P3H1: variants seen among roughly 807,000 people sequenced by gnomAD.
P3H1 encodes prolyl 3-hydroxylase 1.
A neutral mutation model predicts 84.0 loss-of-function variants in P3H1; 69 were observed. The ratio of observed to expected loss-of-function variants is 0.82; its 90% CI spans 0.68 to 1.00. The LOEUF (loss-of-function observed/expected upper bound fraction) is 1.00, where lower values mean the gene tolerates loss of function less well. Ranked by LOEUF, P3H1 falls within the 50% of genes least tolerant of loss-of-function variation. P3H1 has a pLI of 0.00. For missense variants in P3H1, 878 were observed against 962.8 expected (o/e 0.91, Z 1.17); for synonymous variants, 366 against 388.8 (o/e 0.94, Z 0.69).
chr1:42,759,387 C>T lies in P3H1; in HGVS notation c.622G>A (p.Glu208Lys). ...TAGAGTCGCACTCCCAGTCGAAATT[C>T]TTGCTACTGGGAAGAAGGAGCACTC... ...KDLETQPHMQ[E>K]FRLGVRLYSE... The change falls in exon 3 of 15, where the codon GAA (glutamate) becomes AAA (lysine). Residue 208 changes from glutamate to lysine, a missense_variant. Physicochemically the swap from Glu to Lys is moderately conservative, Grantham distance 56 (BLOSUM62 1). Transcript: ENST00000296388. The T allele has an allele frequency of 6.2e-7, 1 of 1,614,042 alleles. No homozygotes were observed. Among genetic ancestry groups the T allele is most frequent in the Non-Finnish European group, 8.5e-7 (1 of 1,179,966 alleles).
intron 7 of P3H1, 55 bp from the exon 8 acceptor site, chr1:42,755,045 C>A (rs768967684): frequency 3.1e-6 from 5 of 1,613,912 alleles, no homozygotes; most frequent in Non-Finnish European, 3.4e-6. Context: ...TGGGCTCCAC[C>A]CCGACTTCCC....
At chr1:42,763,437 C>T (rs565184256) in intron 1 of P3H1, among the ~76,000 whole-genome samples, 4 of 150,316 alleles carry the variant, frequency 2.7e-5, no homozygotes, top group African/African-American at 9.8e-5. Flanking sequence ...TTTGGGAGGC[C>T]GAAGGGGGCA....
Position 42,759,242 on chromosome 1 carries a change from T to A in P3H1, c.767A>T (p.Asn256Ile). Residue 256 changes from asparagine (N) to isoleucine (I), a missense_variant, in exon 3 of 15, where the codon AAC becomes ATC. Transcript: ENST00000296388. ...CEGPYDYDGY[N>I]YLEYNADLFQ... ...GAGGTCAGCGTTGTACTCAAGGTAGTTGTAGCCATCGTAGTCATAGGGCCC... is the reference window on the plus strand; with the variant it reads ...GAGGTCAGCGTTGTACTCAAGGTAGATGTAGCCATCGTAGTCATAGGGCCC... 1 of 1,614,154 alleles carries A rather than the reference T, an allele frequency of 6.2e-7. No homozygotes were observed. Among genetic ancestry groups the A allele is most frequent in the Non-Finnish European group, 8.5e-7 (1 of 1,180,026 alleles).
rs191494420 is a variant in P3H1, at chr1:42,764,088, C to T, written c.466-1613G>A. Among the ~76,000 whole-genome samples the T allele has an allele frequency of 5.3e-5, 8 of 151,582 alleles. No individual in the cohort carries two copies. In the East Asian group the frequency reaches 1.4e-3, roughly 26 times the overall value. On this transcript the variant is annotated intron_variant, in intron 1 of 14. Transcript: ENST00000296388. ...GAGGTTGCAGTGAGCCGAGATCGCA[C>T]CATTGCACTCTAGCTTGGGCAACAA...
chr1:42,748,463 G>T, intron 11 of P3H1, 146 bp from the exon 12 acceptor site: 1 of 732,294 alleles, frequency 1.4e-6, no homozygotes, highest in South Asian at 1.4e-5. Flanking sequence ...TAAGCCACAA[G>T]CCTAGGGGTC....
chr1:42,766,534 G>A lies in P3H1; in HGVS notation c.438C>T (p.Tyr146=), dbSNP rs967101692. The change falls in exon 1 of 15, where the codon TAC becomes TAT. Residue 146 remains tyrosine, a synonymous_variant. Coordinates refer to ENST00000296388, the MANE Select transcript of P3H1 (RefSeq NM_022356.4). The part of the protein sequence containing the change: ...MELEFRKRSP[Y]NYLQVAYFKI... ...TGAAGTAGGCGACCTGCAGGTAGTTGTAGGGGCTCCGCTTGCGGAACTCCA... is the reference window on the plus strand; with the variant it reads ...TGAAGTAGGCGACCTGCAGGTAGTTATAGGGGCTCCGCTTGCGGAACTCCA... 1 of 1,611,974 alleles carries A rather than the reference G, an allele frequency of 6.2e-7. No individual in the cohort carries two copies. The highest frequency in any genetic ancestry group is 8.5e-7 in the Non-Finnish European group (1 of 1,179,542).
At chr1:42,763,664 TC>T (rs1652836479) in intron 1 of P3H1, among the ~76,000 whole-genome samples, 1 of 96,454 alleles carries the variant, frequency 1.0e-5, no homozygotes, top group African/African-American at 4.3e-5. Flanking sequence ...AGAGCGAGAC[TC>T]TTGTCTCAAA....
chr1:42,748,419 G>T, intron 11 of P3H1, 102 bp from the exon 12 acceptor site: 1 of 891,494 alleles, frequency 1.1e-6, no homozygotes, highest in Admixed American at 1.7e-5. Flanking sequence ...TTGAGTCTAC[G>T]GAATGCCCAA....
intron 1 of P3H1, among the ~76,000 whole-genome samples, chr1:42,764,805 T>G (rs2124166887): frequency 6.6e-6 from 1 of 152,320 alleles, no homozygotes; most frequent in African/African-American, 2.4e-5. Context: ...TCAGTTTCTT[T>G]AACTGTAAAA....
intron 1 of P3H1, among the ~76,000 whole-genome samples, chr1:42,764,362 G>A (rs570800923): frequency 1.3e-5 from 2 of 148,964 alleles, no homozygotes; most frequent in African/African-American, 5.0e-5. Flanking sequence ...CCAGAAGTCA[G>A]AGGTTGCAGT....
chr1:42,758,857 T>C lies in P3H1; in HGVS notation c.935A>G (p.Tyr312Cys), dbSNP rs374135158. 29 of 1,614,070 alleles carry C rather than the reference T, an allele frequency of 1.8e-5. No individual in the cohort carries two copies. Among genetic ancestry groups the C allele is most frequent in the African/African-American group, 8.0e-5 (6 of 74,948 alleles). The change falls in exon 4 of 15, where the codon TAT becomes TGT. Residue 312 changes from tyrosine to cysteine, a missense_variant. Transcript: ENST00000296388. ...GGAAGGAAAGTAGGCCTTACTGTTATAGTAGGCAAACTGCAGATAATTATA... is the reference window on the plus strand; with the variant it reads ...GGAAGGAAAGTAGGCCTTACTGTTACAGTAGGCAAACTGCAGATAATTATA... The part of the protein sequence containing the change: ...SHYNYLQFAY[Y>C]NIGNYTQAVE...
chr1:42,752,157 T>G, intron 10 of P3H1, 117 bp downstream of exon 10: 1 of 838,186 alleles, frequency 1.2e-6, no homozygotes, highest in East Asian at 2.4e-5. Flanking sequence ...ACAAGAATGT[T>G]GGCAGGTGGA....
chr1:42,755,399 G>C (rs192799847), intron 6 of P3H1, 149 bp downstream of exon 6: 145 of 932,018 alleles, frequency 1.6e-4, no homozygotes, highest in Non-Finnish European at 2.2e-4. Context: ...CCTTTCATCT[G>C]TCTCTCATCC....
chr1:42,762,121 TA>T, intron 2 of P3H1: 20 of 543,118 alleles, frequency 3.7e-5, no homozygotes, highest in Non-Finnish European at 4.9e-5. Context: ...TAATGTCATT[TA>T]AAAAAAAACA....
chr1:42,750,153 GGGGGC>G, intron 11 of P3H1, 28 bp downstream of exon 11: 2 of 1,605,706 alleles, frequency 1.2e-6, no homozygotes, highest in Non-Finnish European at 1.7e-6. Flanking sequence ...TACAGCATGC[GGGGGC>G]GGGTGCTGCA....
At position 42,755,583 on chromosome 1, in the gene P3H1, C is replaced by G. The variant is rs762013462; in HGVS notation, c.1135G>C (p.Ala379Pro). The G allele has an allele frequency of 6.2e-7, 1 of 1,613,972 alleles. No individual in the cohort carries two copies. Among genetic ancestry groups the G allele is most frequent in the Non-Finnish European group, 8.5e-7 (1 of 1,180,012 alleles). ...AAGGGAATTCCAAAAACATCATAAGCGAAGAAAAGCAGTTCTTTTTCCAGT... is the reference window on the plus strand; with the variant it reads ...AAGGGAATTCCAAAAACATCATAAGGGAAGAAAAGCAGTTCTTTTTCCAGT... ...SLLEKELLFF[A>P]YDVFGIPFVD... Residue 379 changes from alanine (A) to proline (P), a missense_variant, in exon 6 of 15, where the codon GCT becomes CCT. By Grantham distance (27) the Ala-to-Pro change is conservative (BLOSUM62 -1). Coordinates refer to ENST00000296388, the MANE Select transcript of P3H1 (RefSeq NM_022356.4).
rs1232032343 is a variant in P3H1, at chr1:42,755,746, C to T, written c.1081-109G>A. The T allele has an allele frequency of 3.9e-6, 3 of 775,774 alleles. No homozygotes were observed. The Admixed American group carries it at 5.9e-5, about 15-fold the overall frequency. 48.1% of individuals were successfully genotyped at this position (775,774 alleles called of 1,614,324 possible). On this transcript the variant is annotated intron_variant, in intron 5 of 14. Transcript: ENST00000296388. Reference sequence around the variant, plus strand: ...CTGATGCTCCCATGTGACCTGAGGCCTCCTCTCCCTACCAATGCTCTCTGT... The same window carrying T: ...CTGATGCTCCCATGTGACCTGAGGCTTCCTCTCCCTACCAATGCTCTCTGT...
rs758208551 is a variant in P3H1, at chr1:42,747,418, G to A, written c.1915-6C>T. 8 of 1,609,878 alleles carry A rather than the reference G, an allele frequency of 5.0e-6. No homozygotes were observed. Among genetic ancestry groups the A allele is most frequent in the African/African-American group, 2.7e-5 (2 of 74,976 alleles). On this transcript the variant is annotated splice_region_variant and splice_polypyrimidine_tract_variant and intron_variant, in intron 13 of 14. Coordinates refer to ENST00000296388, the MANE Select transcript of P3H1 (RefSeq NM_022356.4). ...CACTGAGGCTGCACCTCTGCCTAAGGGGGACAGAAAGGGAGGGGGGTTGCA... is the reference window on the plus strand; with the variant it reads ...CACTGAGGCTGCACCTCTGCCTAAGAGGGACAGAAAGGGAGGGGGGTTGCA...
intron 2 of P3H1, 136 bp downstream of exon 2, chr1:42,762,187 C>G: frequency 2.3e-6 from 2 of 873,416 alleles, no homozygotes; most frequent in Non-Finnish European, 3.7e-6. Flanking sequence ...TAGAGGGTCT[C>G]TTGAGTCCGG....
Sources: gnomAD v4.1 joint callset for allele counts (sites outside exome capture counted in the v4.1 genomes callset) on GRCh38, gnomAD v4.1.1 for gene constraint, MANE v1.5 for transcripts, NCBI Gene and HGNC (gene_info 2026-07-23, HGNC 2026-07-21) for gene names.